SPOCK1: variants seen among roughly 807,000 people sequenced by gnomAD.
SPOCK1 encodes the protein testican-1.
Under a neutral mutation model 55.3 loss-of-function variants are expected in SPOCK1, and 23 were observed. That is an observed-to-expected ratio of 0.42 (90% CI 0.30 to 0.59). The LOEUF (loss-of-function observed/expected upper bound fraction) is 0.59. SPOCK1 is among the 20% of genes least tolerant of loss of function. The pLI is 0.22. For synonymous variants in SPOCK1, 226 were observed against 221.0 expected, an observed-to-expected ratio of 1.02 and a Z score of -0.20; for missense variants, 499 against 552.5, an observed-to-expected ratio of 0.90 and a Z score of 0.97.
At chr5:137,267,388 G>A (rs1320520489) in intron 2 of SPOCK1, among the ~76,000 whole-genome samples, 4 of 152,174 alleles carry the variant, frequency 2.6e-5, no homozygotes, top group Non-Finnish European at 5.9e-5. Context: ...TGTAGGTGAT[G>A]CCTTGCTGCT....
chr5:137,017,856 T>C (rs1440225349), intron 6 of SPOCK1, among the ~76,000 whole-genome samples: 1 of 152,194 alleles, frequency 6.6e-6, no homozygotes, highest in Admixed American at 6.5e-5. Flanking sequence ...TTATGTTCAT[T>C]AAAAGACTCA....
intron 3 of SPOCK1, among the ~76,000 whole-genome samples, chr5:137,223,994 T>A (rs543154779): frequency 1.3e-5 from 2 of 152,330 alleles, no homozygotes; most frequent in South Asian, 2.1e-4. Context: ...TCCTGAGGTC[T>A]TTTTCCCCTA....
chr5:137,294,985 C>T (rs980493128), intron 2 of SPOCK1, among the ~76,000 whole-genome samples: 2 of 152,176 alleles, frequency 1.3e-5, no homozygotes, highest in East Asian at 1.9e-4. Flanking sequence ...TCTGGCACTG[C>T]CCTTCTCCCT....
chr5:137,434,820 A>G (rs558843476), intron 2 of SPOCK1, among the ~76,000 whole-genome samples: 2 of 152,232 alleles, frequency 1.3e-5, no homozygotes, highest in East Asian at 3.9e-4. Flanking sequence ...TAAGAATGTT[A>G]ACTGGTAAAT....
At chr5:137,295,402 A>G (rs924990966) in intron 2 of SPOCK1, among the ~76,000 whole-genome samples, 6 of 152,244 alleles carry the variant, frequency 3.9e-5, no homozygotes, top group African/African-American at 1.4e-4. Context: ...CCAGCAGCAC[A>G]GAGCTAATAT....
At chr5:137,452,010 T>C (rs971391348) in intron 2 of SPOCK1, among the ~76,000 whole-genome samples, 2 of 152,200 alleles carry the variant, frequency 1.3e-5, no homozygotes, top group Admixed American at 1.3e-4. Context: ...TGGTTAAACA[T>C]CTCAAATTTG....
intron 4 of SPOCK1, among the ~76,000 whole-genome samples, chr5:137,116,682 G>A (rs193081610): frequency 6.6e-6 from 1 of 151,386 alleles, no homozygotes; most frequent in Admixed American, 6.6e-5. Context: ...CTACCTCCTA[G>A]GGCATAGTCT....
At chr5:137,442,270 TCGGGGA>T (rs1159576075) in intron 2 of SPOCK1, among the ~76,000 whole-genome samples, 1 of 152,010 alleles carries the variant, frequency 6.6e-6, no homozygotes, top group Non-Finnish European at 1.5e-5. Context: ...CAATCATAGT[TCGGGGA>T]CGGGGGAGCG....
At chr5:137,412,259 G>T (rs1697378467) in intron 2 of SPOCK1, among the ~76,000 whole-genome samples, 1 of 152,208 alleles carries the variant, frequency 6.6e-6, no homozygotes, top group Non-Finnish European at 1.5e-5. Context: ...CTGACAAGGG[G>T]CAGGTATAGA....
intron 2 of SPOCK1, among the ~76,000 whole-genome samples, chr5:137,483,184 T>C (rs942051848): frequency 2.6e-5 from 4 of 151,994 alleles, no homozygotes; most frequent in Non-Finnish European, 4.4e-5. Flanking sequence ...AATACAAAAA[T>C]TAGTCAGGCG....
At chr5:137,258,649 T>C (rs781323402) in intron 3 of SPOCK1, among the ~76,000 whole-genome samples, 1 of 152,228 alleles carries the variant, frequency 6.6e-6, no homozygotes, top group Non-Finnish European at 1.5e-5. Context: ...ACTGTTGTTC[T>C]AGCAGGTGGA....
chr5:137,281,798 G>A (rs1757169938), intron 2 of SPOCK1, among the ~76,000 whole-genome samples: 1 of 152,182 alleles, frequency 6.6e-6, no homozygotes, highest in South Asian at 2.1e-4. Flanking sequence ...ACAATACCGT[G>A]TGGGTTATTG....
chr5:137,053,950 A>G (rs145112423), intron 6 of SPOCK1, among the ~76,000 whole-genome samples: 1 of 152,170 alleles, frequency 6.6e-6, no homozygotes, highest in African/African-American at 2.4e-5. Context: ...GGGCTAGACA[A>G]CTAACAGTGT....
intron 2 of SPOCK1, among the ~76,000 whole-genome samples, chr5:137,270,205 T>C (rs1756935766): frequency 1.3e-5 from 2 of 152,350 alleles, no homozygotes; most frequent in Admixed American, 1.3e-4. Context: ...ACATATTGGA[T>C]AGATCAAACT....
At chr5:137,214,818 T>C (rs926565099) in intron 3 of SPOCK1, among the ~76,000 whole-genome samples, 3 of 152,200 alleles carry the variant, frequency 2.0e-5, no homozygotes, top group African/African-American at 7.2e-5. Flanking sequence ...GCAGAATTTA[T>C]AGTATATCAA....
chr5:136,990,805 C>T (rs1004996543), intron 7 of SPOCK1, among the ~76,000 whole-genome samples: 3 of 152,100 alleles, frequency 2.0e-5, no homozygotes, highest in African/African-American at 7.2e-5. Context: ...AAAAGAAGTG[C>T]CAATCTGGTT....
chr5:137,336,169 A>G (rs1189796108), intron 2 of SPOCK1, among the ~76,000 whole-genome samples: 5 of 152,214 alleles, frequency 3.3e-5, no homozygotes, highest in Admixed American at 6.5e-5. Flanking sequence ...CCAATCCTGC[A>G]GTTTGCTGGT....
chr5:137,418,526 G>A (rs1252237012), intron 2 of SPOCK1, among the ~76,000 whole-genome samples: 6 of 152,066 alleles, frequency 3.9e-5, no homozygotes, highest in Admixed American at 3.9e-4. Flanking sequence ...ATCTCATTGT[G>A]GTTTTGATTT....
At chr5:137,294,190 A>G (rs1352332833) in intron 2 of SPOCK1, among the ~76,000 whole-genome samples, 1 of 152,228 alleles carries the variant, frequency 6.6e-6, no homozygotes, top group Non-Finnish European at 1.5e-5. Context: ...TTATCGAACC[A>G]TATGGTACTA....
Sources: allele counts gnomAD v4.1 joint callset (sites outside exome capture counted in the v4.1 genomes callset), GRCh38; gene constraint gnomAD v4.1.1; transcripts MANE v1.5; gene names NCBI Gene and HGNC (gene_info 2026-07-23, HGNC 2026-07-21).